The following TNR variants were observed in gnomAD, a reference collection of about 807,000 sequenced individuals.
The protein encoded by TNR is tenascin R.
In TNR, 45 loss-of-function variants were observed where a neutral mutation model predicts 150.4. That is an observed-to-expected ratio of 0.30 (90% CI 0.24 to 0.38). The LOEUF is 0.38. TNR is among the 10% of genes least tolerant of loss of function. TNR has a pLI of 1.00. For synonymous variants in TNR, 687 were observed against 678.4 expected (o/e 1.01, Z -0.20); for missense variants, 1,544 against 1,759.1 (o/e 0.88, Z 2.19).
intron 14 of TNR, among the ~76,000 whole-genome samples, chr1:175,360,823 G>C (rs1243137367): frequency 6.6e-6 from 1 of 152,090 alleles, no homozygotes; most frequent in Non-Finnish European, 1.5e-5. Context: ...ATGATACCAC[G>C]AGACAAACAT....
intron 1 of TNR, among the ~76,000 whole-genome samples, chr1:175,543,352 A>G (rs1231813605): frequency 6.6e-6 from 1 of 152,144 alleles, no homozygotes; most frequent in Non-Finnish European, 1.5e-5. Flanking sequence ...TTGCTAAGGA[A>G]TCCTGTGAAG....
In TNR at chr1:175,419,719, T is replaced by TG. The variant is rs369134507; in HGVS notation, c.-63-12943dup. Among the ~76,000 whole-genome samples, 956 of 152,210 alleles carry TG rather than the reference T, an allele frequency of 6.3e-3. 9 individuals are homozygous for TG. Among genetic ancestry groups the TG allele is most frequent in the African/African-American group, 0.022 (909 of 41,536 alleles). ...CTGGTCTCAAACTCCTGACCTCAGG[T>TG]GATCCACCGACCTCAGCCTCCCAAA... On this transcript the variant is annotated intron_variant, in intron 2 of 22. Coordinates refer to ENST00000367674, the MANE Select transcript of TNR (RefSeq NM_003285.3).
intron 11 of TNR, 113 bp downstream of exon 11, chr1:175,365,762 T>A: frequency 6.9e-7 from 1 of 1,455,684 alleles, no homozygotes; most frequent in African/African-American, 1.4e-5. Flanking sequence ...TCTACCCACC[T>A]CTCTTTTCTC....
chr1:175,544,051 G>A (rs1291916143), intron 1 of TNR, among the ~76,000 whole-genome samples: 1 of 152,226 alleles, frequency 6.6e-6, no homozygotes, highest in South Asian at 2.1e-4. Flanking sequence ...CAGCAGGAAT[G>A]GGTGTGCAAA....
At chr1:175,477,025 A>G (rs1319671170) in intron 2 of TNR, among the ~76,000 whole-genome samples, 1 of 152,234 alleles carries the variant, frequency 6.6e-6, no homozygotes, top group Non-Finnish European at 1.5e-5. Flanking sequence ...AAGAACCAAA[A>G]GAATGGCTCT....
At position 175,337,814 on chromosome 1, in the gene TNR, A is replaced by G. The variant is rs548580503; in HGVS notation, c.3383-135T>C. The G allele has an allele frequency of 2.9e-6, 3 of 1,029,240 alleles. No individual in the cohort carries two copies. The African/African-American group carries it at 4.8e-5, about 16-fold the overall frequency. The allele number at this position is 1,029,240 out of a possible 1,614,324, so 63.8% of individuals were successfully genotyped here. A position where few individuals can be genotyped will look rare whatever the true frequency, so the allele number is the denominator to read the frequency against. On this transcript the variant is annotated intron_variant, in intron 18 of 22. Coordinates refer to ENST00000367674, the MANE Select transcript of TNR (RefSeq NM_003285.3). Reference sequence around the variant, plus strand: ...TGTAAGAAATCCTCAACGGAGCTCAAGGTGTGGGTGTGGGGACTTGGCATC... The same window carrying G: ...TGTAAGAAATCCTCAACGGAGCTCAGGGTGTGGGTGTGGGGACTTGGCATC...
intron 9 of TNR, among the ~76,000 whole-genome samples, chr1:175,374,086 C>T (rs1428018004): frequency 2.0e-5 from 3 of 152,216 alleles, no homozygotes; most frequent in Non-Finnish European, 4.4e-5. Context: ...AGCTGCAGGG[C>T]GTTGAAGGTC....
At chr1:175,380,542 G>A (rs1156578576) in intron 8 of TNR, among the ~76,000 whole-genome samples, 1 of 151,276 alleles carries the variant, frequency 6.6e-6, no homozygotes, top group Non-Finnish European at 1.5e-5. Flanking sequence ...CTGCACTCCA[G>A]CCTGGGCCAC....
At position 175,373,665 on chromosome 1, in the gene TNR, A is replaced by G. The variant is rs146811619; in HGVS notation, c.1963+5887T>C. ...AACTTTCTTATTGCTGGTGGAATTA[A>G]TGAGAAACACAGCTCATCAACCTTG... On this transcript the variant is annotated intron_variant, in intron 9 of 22. Transcript: ENST00000367674. Among the ~76,000 whole-genome samples, 381 of 152,334 alleles carry G rather than the reference A, an allele frequency of 2.5e-3. 1 individual carries two copies. Among genetic ancestry groups the G allele is most frequent in the Non-Finnish European group, 4.3e-3 (292 of 68,034 alleles).
chr1:175,484,755 G>C (rs188211327), intron 2 of TNR, among the ~76,000 whole-genome samples: 205 of 152,306 alleles, frequency 1.3e-3, no homozygotes, highest in African/African-American at 4.8e-3. Context: ...AGCAAAGAAA[G>C]GAATAAAGAT....
At chr1:175,556,737 G>A (rs1317897015) in intron 1 of TNR, 4 of 152,392 alleles carry the variant, frequency 2.6e-5, no homozygotes, top group Admixed American at 2.0e-4. Context: ...GGTACCCAGG[G>A]AGGCACTAAT....
At chr1:175,629,326 T>G (rs1664254030) in intron 1 of TNR, among the ~76,000 whole-genome samples, 1 of 152,174 alleles carries the variant, frequency 6.6e-6, no homozygotes, top group Non-Finnish European at 1.5e-5. Context: ...GAGAAAATGA[T>G]GCCAGGATCA....
intron 1 of TNR, among the ~76,000 whole-genome samples, chr1:175,550,051 G>A (rs1412668448): frequency 6.6e-6 from 1 of 152,196 alleles, no homozygotes; most frequent in Non-Finnish European, 1.5e-5. Flanking sequence ...AGCCCATAAA[G>A]GGAGGCTATT....
intron 2 of TNR, among the ~76,000 whole-genome samples, chr1:175,512,181 C>T (rs935742927): frequency 2.0e-5 from 3 of 152,296 alleles, no homozygotes; most frequent in Non-Finnish European, 4.4e-5. Context: ...CCAGAACTAT[C>T]TGGGGAAAGT....
intron 1 of TNR, among the ~76,000 whole-genome samples, chr1:175,608,464 G>T (rs1238128196): frequency 6.6e-6 from 1 of 152,142 alleles, no homozygotes; most frequent in Non-Finnish European, 1.5e-5. Context: ...ATAACTTTTT[G>T]ACCTTGGGAT....
chr1:175,545,835 G>T (rs975994688), intron 1 of TNR, among the ~76,000 whole-genome samples: 3 of 152,210 alleles, frequency 2.0e-5, no homozygotes, highest in Non-Finnish European at 4.4e-5. Flanking sequence ...ATGCCAGGTT[G>T]CCTCTCACAG....
chr1:175,626,716 A>G (rs1664168163), intron 1 of TNR, among the ~76,000 whole-genome samples: 1 of 152,214 alleles, frequency 6.6e-6, no homozygotes, highest in South Asian at 2.1e-4. Flanking sequence ...GGTAGATTCA[A>G]TGCTGGGCCC....
At chr1:175,382,272 T>C (rs1306388611) in intron 8 of TNR, among the ~76,000 whole-genome samples, 2 of 152,232 alleles carry the variant, frequency 1.3e-5, no homozygotes, top group African/African-American at 2.4e-5. Flanking sequence ...AGGTGTTCGA[T>C]AAGCACACAT....
intron 7 of TNR, among the ~76,000 whole-genome samples, chr1:175,388,341 G>C (rs904698612): frequency 6.6e-6 from 1 of 152,016 alleles, no homozygotes. Context: ...CAGAAAACCC[G>C]AATCATAATG....
Sources: gnomAD v4.1 joint callset for allele counts (sites outside exome capture counted in the v4.1 genomes callset) on GRCh38, gnomAD v4.1.1 for gene constraint, MANE v1.5 for transcripts, NCBI Gene and HGNC (gene_info 2026-07-23, HGNC 2026-07-21) for gene names.